Variants in RBFOX2 observed in about 807,000 individuals in gnomAD.
The protein encoded by RBFOX2 is RNA binding fox-1 homolog 2.
In RBFOX2, 10 loss-of-function variants were observed where a neutral mutation model predicts 49.1. The observed-to-expected ratio is 0.20, with a 90% confidence interval of 0.13 to 0.35. The LOEUF (loss-of-function observed/expected upper bound fraction) is 0.35, where lower values mean the gene tolerates loss of function less well. RBFOX2 is among the 10% of genes least tolerant of loss of function. The probability of loss-of-function intolerance (pLI) is 1.00; values close to 1 mark genes in which losing one functional copy is unlikely to be tolerated. For missense variants in RBFOX2, 323 were observed against 486.9 expected, an observed-to-expected ratio of 0.66 and a Z score of 3.17; for synonymous variants, 183 against 187.4, an observed-to-expected ratio of 0.98 and a Z score of 0.19.
intron 1 of RBFOX2, among the ~76,000 whole-genome samples, chr22:35,811,502 T>C (rs959093920): frequency 2.6e-5 from 4 of 152,196 alleles, no homozygotes; most frequent in African/African-American, 9.6e-5. Context: ...CCAACCCTGC[T>C]GACACCCTGA....
chr22:35,940,716 A>G (rs2053606973), upstream of RBFOX2, among the ~76,000 whole-genome samples: 1 of 152,212 alleles, frequency 6.6e-6, no homozygotes, highest in Non-Finnish European at 1.5e-5. Flanking sequence ...GAATGGATAA[A>G]TGAAGTATGG....
At chr22:35,875,094 C>T (rs2044853047) in intron 1 of RBFOX2, among the ~76,000 whole-genome samples, 2 of 152,266 alleles carry the variant, frequency 1.3e-5, no homozygotes, top group South Asian at 4.1e-4. Flanking sequence ...GAGGAGGCTT[C>T]AGAATGAAAT....
intron 2 of RBFOX2, among the ~76,000 whole-genome samples, chr22:35,806,905 A>G (rs1457503867): frequency 6.6e-6 from 1 of 152,130 alleles, no homozygotes. Flanking sequence ...CCCCAGTTCA[A>G]GCGATTCTCC....
chr22:36,008,452 A>G (rs1353663946), intron 1 of RBFOX2, among the ~76,000 whole-genome samples: 1 of 152,210 alleles, frequency 6.6e-6, no homozygotes, highest in African/African-American at 2.4e-5. Context: ...GAGAAAAAGG[A>G]AGAGAGATTA....
chr22:35,910,090 C>A (rs1038881024), intron 1 of RBFOX2, among the ~76,000 whole-genome samples: 1 of 152,068 alleles, frequency 6.6e-6, no homozygotes, highest in Admixed American at 6.6e-5. Context: ...AACTTTTATA[C>A]TTAAAATGAT....
intron 1 of RBFOX2, among the ~76,000 whole-genome samples, chr22:36,005,131 C>T (rs1013873623): frequency 1.3e-5 from 2 of 152,064 alleles, no homozygotes; most frequent in Admixed American, 1.3e-4. Flanking sequence ...ATGATGTTTA[C>T]GGGGAAAAAC....
intron 1 of RBFOX2, among the ~76,000 whole-genome samples, chr22:35,884,991 T>C (rs1453632743): frequency 6.6e-6 from 1 of 152,112 alleles, no homozygotes; most frequent in Admixed American, 6.5e-5. Flanking sequence ...CCCAACTGCC[T>C]TTAACAATCG....
intron 1 of RBFOX2, among the ~76,000 whole-genome samples, chr22:35,886,504 T>C (rs1366178089): frequency 2.6e-5 from 4 of 152,208 alleles, no homozygotes; most frequent in Non-Finnish European, 2.9e-5. Flanking sequence ...GAGATCATCA[T>C]AGAGTGTACT....
chr22:36,020,234 T>C lies in RBFOX2; in HGVS notation c.186+8006A>G, dbSNP rs550603149. 2.6e-5 allele frequency among the ~76,000 whole-genome samples: 4 copies of C among 152,294 alleles called. No homozygotes were observed. In the South Asian group the frequency reaches 8.3e-4, roughly 32 times the overall value. On this transcript the variant is annotated intron_variant, in intron 1 of 13. Transcript: ENST00000438146. ...AACTGGATCCCTTCCTTACACCTTA[T>C]ACAAAAATTAATTCAAGACGGATTA...
rs375088964 is a variant in RBFOX2 at position 35,977,722 on chromosome 22, CTATATATATATATATA to C, written c.187-38841_187-38826del. Among the ~76,000 whole-genome samples the C allele has an allele frequency of 6.1e-4, 49 of 80,874 alleles. 1 individual carries two copies. The highest frequency in any genetic ancestry group is 1.5e-3 in the African/African-American group (31 of 21,092). 53.1% of individuals were successfully genotyped at this position (80,874 alleles called of 152,430 possible). Reference sequence around the variant, plus strand: ...TGCATGTAAATTATACCTGAATGAACTATATATATATATATATATATATATATATATATATATATAC... The same window carrying C: ...TGCATGTAAATTATACCTGAATGAACTATATATATATATATATATATATAC... On this transcript the variant is annotated intron_variant, in intron 1 of 13. Coordinates refer to the RBFOX2 transcript ENST00000438146.
intron 9 of RBFOX2, 129 bp from the exon 12 acceptor site, chr22:35,746,690 A>G (rs1319594750): frequency 2.2e-6 from 1 of 447,116 alleles, no homozygotes; most frequent in Admixed American, 4.3e-5. Flanking sequence ...AGACACACAC[A>G]TGGGAAGAAA....
At position 35,809,732 on chromosome 22, in the gene RBFOX2, A is replaced by G. The variant is rs750057552; in HGVS notation, c.252+48T>C. On this transcript the variant is annotated intron_variant, in intron 2 of 11. Coordinates refer to ENST00000405409, the Ensembl canonical transcript of RBFOX2. ...TTGTATAATTAAGGCGACAATTTCT[A>G]TATGATTGCCATGCATCCTTCCATT... 36 of 1,571,450 alleles carry G rather than the reference A, an allele frequency of 2.3e-5. 1 individual carries two copies. The South Asian group carries it at 3.9e-4, about 17-fold the overall frequency.
intron 1 of RBFOX2, among the ~76,000 whole-genome samples, chr22:35,921,703 C>T (rs1029904034): frequency 5.3e-5 from 8 of 152,186 alleles, no homozygotes; most frequent in African/African-American, 1.9e-4. Context: ...CAGCAAATAA[C>T]AATTATTAAC....
At chr22:35,944,495 A>G (rs543957412) in intron 1 of RBFOX2, among the ~76,000 whole-genome samples, 1 of 152,342 alleles carries the variant, frequency 6.6e-6, no homozygotes, top group Non-Finnish European at 1.5e-5. Flanking sequence ...TATTTTTTGT[A>G]GCATTTTAAA....
chr22:35,783,461 A>G (rs1340666131), intron 2 of RBFOX2, among the ~76,000 whole-genome samples: 2 of 152,106 alleles, frequency 1.3e-5, no homozygotes, highest in African/African-American at 4.8e-5. Flanking sequence ...AGCACACGCC[A>G]AGAGTCTGCA....
intron 1 of RBFOX2, among the ~76,000 whole-genome samples, chr22:35,937,971 G>A (rs944374722): frequency 5.3e-5 from 8 of 152,130 alleles, no homozygotes; most frequent in Non-Finnish European, 8.8e-5. Flanking sequence ...GAACTCTTTC[G>A]TTTAGCACTG....
chr22:35,840,304 C>G lies in RBFOX2; in HGVS notation c.-86G>C, dbSNP rs139516153. 7.8e-3 allele frequency: 12,547 copies of G among 1,613,178 alleles called. 61 individuals carry two copies. Among genetic ancestry groups the G allele is most frequent in the Middle Eastern group, 0.011 (68 of 6,052 alleles). ...CTTTCTTTTCCACCCCCCTCCCCCC[C>G]CAATCTAGCTATTTAAGGGTGGGTA... is the stretch of plus-strand genomic sequence containing the variant. On this transcript the variant is annotated 5_prime_UTR_variant, in exon 1 of 12. Transcript: ENST00000405409.
At chr22:36,015,893 G>C (rs1336274465) in intron 1 of RBFOX2, among the ~76,000 whole-genome samples, 3 of 152,198 alleles carry the variant, frequency 2.0e-5, no homozygotes, top group African/African-American at 7.2e-5. Context: ...ACTTTAGGCT[G>C]TAAGTGTGAC....
At chr22:35,784,037 T>C (rs1945823502) in intron 2 of RBFOX2, among the ~76,000 whole-genome samples, 1 of 152,152 alleles carries the variant, frequency 6.6e-6, no homozygotes, top group Non-Finnish European at 1.5e-5. Context: ...CTCAGTGACA[T>C]GCGCTGAAGC....
Sources: gnomAD v4.1 joint callset for allele counts (sites outside exome capture counted in the v4.1 genomes callset) on GRCh38, gnomAD v4.1.1 for gene constraint, MANE v1.5 for transcripts, NCBI Gene and HGNC (gene_info 2026-07-23, HGNC 2026-07-21) for gene names.